SLIT3: variants seen among roughly 807,000 people sequenced by gnomAD.
The protein encoded by SLIT3 is slit guidance ligand 3.
Under a neutral mutation model 184.0 loss-of-function variants are expected in SLIT3, and 68 were observed. The observed-to-expected ratio is 0.37, with a 90% CI of 0.30 to 0.45. The LOEUF (loss-of-function observed/expected upper bound fraction) is 0.45, where lower values mean the gene tolerates loss of function less well. SLIT3 is among the 20% of genes least tolerant of loss of function. The pLI, the probability that SLIT3 is intolerant of heterozygous loss-of-function variation, is 1.00. For missense variants in SLIT3, 1,707 were observed against 2,026.0 expected, an observed-to-expected ratio of 0.84 and a Z score of 3.02; for synonymous variants, 831 against 828.6, an observed-to-expected ratio of 1.00 and a Z score of -0.05.
At chr5:168,899,651 T>C (rs1760799706) in intron 4 of SLIT3, among the ~76,000 whole-genome samples, 1 of 152,240 alleles carries the variant, frequency 6.6e-6, no homozygotes, top group South Asian at 2.1e-4. Context: ...TCAGAGTTGT[T>C]ATCTACAGTG....
intron 4 of SLIT3, among the ~76,000 whole-genome samples, chr5:168,913,346 C>T (rs944536839): frequency 6.6e-6 from 1 of 152,232 alleles, no homozygotes; most frequent in East Asian, 1.9e-4. Flanking sequence ...CTAACGCCCT[C>T]ATATTAAGTG....
chr5:168,923,876 C>T (rs952733819), intron 4 of SLIT3, among the ~76,000 whole-genome samples: 1 of 152,246 alleles, frequency 6.6e-6, no homozygotes, highest in Admixed American at 6.5e-5. Flanking sequence ...AAACTATGGC[C>T]TGTGGGCCAA....
At position 168,748,343 on chromosome 5, in the gene SLIT3, G is replaced by C. The variant is rs1052265703; in HGVS notation, c.2229C>G (p.Leu743=). The change falls in exon 20 of 36, where the codon CTC becomes CTG. Residue 743 remains leucine, a synonymous_variant. Transcript: ENST00000519560. ...TGGGCATGCCTCTGGGGAGGGCGCG[G>C]AGCCCCTTGTTGCTGCATCGCACCA... ...ETVVRCSNKG[L]RALPRGMPKD... The C allele has an allele frequency of 1.3e-6, 2 of 1,495,526 alleles. No individual in the cohort carries two copies. Among genetic ancestry groups the C allele is most frequent in the Non-Finnish European group, 1.8e-6 (2 of 1,129,014 alleles). 92.6% of individuals were successfully genotyped at this position (1,495,526 alleles called of 1,614,324 possible). A position where few individuals can be genotyped will look rare whatever the true frequency, so the allele number is the denominator to read the frequency against.
intron 26 of SLIT3, among the ~76,000 whole-genome samples, chr5:168,701,420 G>A (rs767769230): frequency 6.6e-6 from 1 of 152,170 alleles, no homozygotes; most frequent in Non-Finnish European, 1.5e-5. Context: ...GGGAACCTTT[G>A]CGATAGAGAA....
intron 4 of SLIT3, among the ~76,000 whole-genome samples, chr5:169,120,561 C>G (rs747508827): frequency 6.6e-6 from 1 of 152,126 alleles, no homozygotes; most frequent in Non-Finnish European, 1.5e-5. Context: ...TGATTTCAGC[C>G]CAGTGAAATC....
chr5:168,923,602 C>T (rs1761711123), intron 4 of SLIT3, among the ~76,000 whole-genome samples: 1 of 151,746 alleles, frequency 6.6e-6, no homozygotes, highest in South Asian at 2.1e-4. Context: ...CTGCAACCTC[C>T]GCCTCCTGGG....
chr5:168,774,564 T>C (rs1258732988), intron 12 of SLIT3, among the ~76,000 whole-genome samples, 186 bp from the exon 13 acceptor site: 6 of 152,202 alleles, frequency 3.9e-5, no homozygotes, highest in Admixed American at 3.9e-4. Flanking sequence ...CAAACACTTC[T>C]GGGCACCTGC....
In SLIT3 at chr5:169,116,861, T is replaced by C. The variant is rs76147902; in HGVS notation, c.413+76618A>G. Among the ~76,000 whole-genome samples the C allele has an allele frequency of 1.6e-4, 24 of 152,250 alleles. 1 individual carries two copies. The highest frequency in any genetic ancestry group is 2.6e-4 in the Non-Finnish European group (18 of 68,010). ...TCATGTCCTACTTGTTTATAGGGAATCTAATAAAAAGCAAGGAAGCAAGGA... is the reference window on the plus strand; with the variant it reads ...TCATGTCCTACTTGTTTATAGGGAACCTAATAAAAAGCAAGGAAGCAAGGA... On this transcript the variant is annotated intron_variant, in intron 4 of 35. Transcript: ENST00000519560.
chr5:169,208,453 G>A (rs10077044), intron 3 of SLIT3, among the ~76,000 whole-genome samples: 12 of 151,860 alleles, frequency 7.9e-5, no homozygotes, highest in Admixed American at 1.3e-4. Context: ...CATATGGAAC[G>A]CAAAAAAGAG....
chr5:168,952,558 AGGCAAAGGGATTT>A (rs1762690793), intron 4 of SLIT3, among the ~76,000 whole-genome samples: 13 of 135,930 alleles, frequency 9.6e-5, no homozygotes, highest in African/African-American at 3.9e-4. Flanking sequence ...AGAGGGGAGA[AGGCAAAGGGATTT>A]AAAAAAAAAA....
At chr5:168,829,574 A>T (rs1417430730) in intron 6 of SLIT3, among the ~76,000 whole-genome samples, 1 of 152,232 alleles carries the variant, frequency 6.6e-6, no homozygotes, top group Non-Finnish European at 1.5e-5. Flanking sequence ...GTAAGTCATC[A>T]GCCACCATGA....
At chr5:168,837,616 C>T (rs1019290411) in intron 6 of SLIT3, among the ~76,000 whole-genome samples, 13 of 152,166 alleles carry the variant, frequency 8.5e-5, no homozygotes, top group Non-Finnish European at 1.8e-4. Context: ...TTGTGGGCTT[C>T]AATTCAGTTA....
intron 6 of SLIT3, among the ~76,000 whole-genome samples, chr5:168,832,594 C>T (rs184463675): frequency 2.0e-5 from 3 of 152,266 alleles, no homozygotes; most frequent in Admixed American, 1.3e-4. Context: ...CAATTGCCTA[C>T]GGGAGTGAGG....
At chr5:169,064,850 G>A (rs1281632448) in intron 4 of SLIT3, among the ~76,000 whole-genome samples, 1 of 152,222 alleles carries the variant, frequency 6.6e-6, no homozygotes, top group Non-Finnish European at 1.5e-5. Context: ...GGACCAAAGA[G>A]ATTTTCCAGC....
intron 3 of SLIT3, among the ~76,000 whole-genome samples, chr5:169,226,671 A>G (rs1205003913): frequency 6.6e-6 from 1 of 152,186 alleles, no homozygotes; most frequent in African/African-American, 2.4e-5. Context: ...AGCATTATTC[A>G]TGCATTCTAG....
At chr5:169,024,876 T>A (rs1434595213) in intron 4 of SLIT3, 1 of 152,136 alleles carries the variant, frequency 6.6e-6, no homozygotes, top group Non-Finnish European at 1.5e-5. Flanking sequence ...GTACACAGTA[T>A]CCCCACAGGG....
rs1765791373 is a variant in SLIT3, at chr5:169,252,006, C to T, written c.198-547G>A. Among the ~76,000 whole-genome samples, 3 of 152,180 alleles carry T rather than the reference C, an allele frequency of 2.0e-5. No homozygotes were observed. The South Asian group carries it at 6.2e-4, about 32-fold the overall frequency. On this transcript the variant is annotated intron_variant, in intron 1 of 35. Coordinates refer to ENST00000519560, the MANE Select transcript of SLIT3 (RefSeq NM_003062.4). ...GTCCAGACTCACTCATGCCTGAAGC[C>T]AGATACCTCTGTATTTTGAGAGTGT...
chr5:169,079,598 G>GGGAGGAGGA (rs1213328673), intron 4 of SLIT3, among the ~76,000 whole-genome samples: 1 of 127,626 alleles, frequency 7.8e-6, no homozygotes, highest in Non-Finnish European at 1.7e-5. Context: ...AGGAGGAGGA[G>GGGAGGAGGA]GGAGGAGGAG....
intron 6 of SLIT3, among the ~76,000 whole-genome samples, chr5:168,834,686 C>CAAAAAAA (rs540528948): frequency 4.3e-4 from 16 of 37,426 alleles, no homozygotes; most frequent in African/African-American, 7.2e-4. Flanking sequence ...GACTCTGTCT[C>CAAAAAAA]AAAAAAAAAA....
Sources: allele counts gnomAD v4.1 joint callset (sites outside exome capture counted in the v4.1 genomes callset), GRCh38; gene constraint gnomAD v4.1.1; transcripts MANE v1.5; gene names NCBI Gene and HGNC (gene_info 2026-07-23, HGNC 2026-07-21).